ADAMTS6: variants seen among roughly 807,000 people sequenced by gnomAD.
The protein encoded by ADAMTS6 is ADAM metallopeptidase with thrombospondin type 1 motif 6, also known as A disintegrin and metalloproteinase with thrombospondin motifs 6.
ADAMTS6 carries 23 observed loss-of-function variants against 144.3 expected under a neutral mutation model. That is an observed-to-expected ratio of 0.16 (90% CI 0.11 to 0.23). ADAMTS6 has a LOEUF of 0.23. Ranked by LOEUF, ADAMTS6 falls within the 10% of genes least tolerant of loss-of-function variation. The pLI is 1.00. For missense variants in ADAMTS6, 999 were observed against 1,379.6 expected, an observed-to-expected ratio of 0.72 and a Z score of 4.37; for synonymous variants, 444 against 457.5, an observed-to-expected ratio of 0.97 and a Z score of 0.38.
chr5:65,276,733 G>T (rs924529770), intron 11 of ADAMTS6, among the ~76,000 whole-genome samples: 1 of 152,220 alleles, frequency 6.6e-6, no homozygotes, highest in African/African-American at 2.4e-5. Context: ...CTCTAATAAA[G>T]TTAAATGGAT....
intron 7 of ADAMTS6, among the ~76,000 whole-genome samples, chr5:65,406,045 G>A: frequency 6.6e-6 from 1 of 152,072 alleles, no homozygotes; most frequent in East Asian, 1.9e-4. Flanking sequence ...GGAGATTTTG[G>A]GCTGAGACGA....
intron 14 of ADAMTS6, among the ~76,000 whole-genome samples, chr5:65,246,430 C>A (rs1330480797): frequency 6.6e-6 from 1 of 152,016 alleles, no homozygotes. Context: ...AAAAACAAAA[C>A]CCAAATAGAT....
At chr5:65,167,682 A>G (rs1447032118) in intron 24 of ADAMTS6, among the ~76,000 whole-genome samples, 24 of 125,384 alleles carry the variant, frequency 1.9e-4, no homozygotes, top group Non-Finnish European at 2.0e-4. Context: ...AAGCTTATCC[A>G]CCATGACCAA....
At chr5:65,381,665 T>C (rs945287376) in intron 7 of ADAMTS6, among the ~76,000 whole-genome samples, 1 of 151,188 alleles carries the variant, frequency 6.6e-6, no homozygotes, top group African/African-American at 2.4e-5. Context: ...GGATTACAAG[T>C]GTGAGCCACT....
At chr5:65,410,732 A>T (rs1353557219) in intron 7 of ADAMTS6, among the ~76,000 whole-genome samples, 1 of 152,022 alleles carries the variant, frequency 6.6e-6, no homozygotes, top group Non-Finnish European at 1.5e-5. Flanking sequence ...TATGACTTTG[A>T]CTTTTTTATA....
chr5:65,419,931 G>A (rs926282156), intron 7 of ADAMTS6, among the ~76,000 whole-genome samples: 1 of 152,126 alleles, frequency 6.6e-6, no homozygotes, highest in Admixed American at 6.5e-5. Flanking sequence ...ACATCTTTGC[G>A]AATATACTTA....
At chr5:65,181,014 C>T (rs1440804432) in intron 22 of ADAMTS6, among the ~76,000 whole-genome samples, 2 of 152,142 alleles carry the variant, frequency 1.3e-5, no homozygotes, top group African/African-American at 2.4e-5. Context: ...TACAACTCTC[C>T]TATGAGGTGG....
rs1752090797 is a variant in ADAMTS6, at chr5:65,150,416, A to T, written c.*1420T>A. On this transcript the variant is annotated 3_prime_UTR_variant, in exon 25 of 25. Transcript: ENST00000381055. ...AGTCTTTTGATGACCAGGATGTGAA[A>T]CTTGAAGATGGGGAAAATACGAGCT... 1 of 152,658 alleles carries T rather than the reference A, an allele frequency of 6.6e-6. No individual in the cohort carries two copies. 9.5% of individuals were successfully genotyped at this position (152,658 alleles called of 1,614,324 possible).
chr5:65,260,710 A>C lies in ADAMTS6; in HGVS notation c.1767-47T>G, dbSNP rs1448948807. ...AATGTGAATACTAATACATCTGTCCATACAAAGAGTATATATATTACTTGA... is the reference window on the plus strand; with the variant it reads ...AATGTGAATACTAATACATCTGTCCCTACAAAGAGTATATATATTACTTGA... On this transcript the variant is annotated intron_variant, in intron 13 of 24. Transcript: ENST00000381055. The C allele has an allele frequency of 2.1e-6, 3 of 1,431,138 alleles. No individual in the cohort carries two copies. In the Admixed American group the frequency reaches 5.1e-5, roughly 24 times the overall value. The allele number at this position is 1,431,138 out of a possible 1,614,324, so 88.7% of individuals were successfully genotyped here.
chr5:65,478,394 CATT>C (rs1274612997), intron 1 of ADAMTS6, among the ~76,000 whole-genome samples: 1 of 152,126 alleles, frequency 6.6e-6, no homozygotes. Context: ...GCAGAAACAT[CATT>C]ATGTTGTGGA....
At chr5:65,288,313 C>G (rs1034844018) in intron 11 of ADAMTS6, among the ~76,000 whole-genome samples, 6 of 130,286 alleles carry the variant, frequency 4.6e-5, no homozygotes, top group Admixed American at 8.2e-5. Context: ...TTTTTCTTTT[C>G]TTTTCTTTTT....
chr5:65,418,739 A>G (rs1020459152), intron 7 of ADAMTS6, among the ~76,000 whole-genome samples: 1 of 152,222 alleles, frequency 6.6e-6, no homozygotes, highest in Non-Finnish European at 1.5e-5. Flanking sequence ...ATGGGCAAAA[A>G]CATGAACAGA....
chr5:65,182,936 A>C (rs775300199), intron 22 of ADAMTS6, among the ~76,000 whole-genome samples: 1 of 152,204 alleles, frequency 6.6e-6, no homozygotes, highest in Non-Finnish European at 1.5e-5. Context: ...TTACTCAGTG[A>C]ATACACTACA....
intron 8 of ADAMTS6, among the ~76,000 whole-genome samples, chr5:65,332,600 C>T (rs1443544953): frequency 6.6e-6 from 1 of 151,964 alleles, no homozygotes; most frequent in African/African-American, 2.4e-5. Context: ...AATACATCTA[C>T]ATTTTTTTCC....
rs1026188344 is a variant in ADAMTS6, at chr5:65,345,480, T to C, written c.1074-11395A>G. Among the ~76,000 whole-genome samples, 19 of 151,746 alleles carry C rather than the reference T, an allele frequency of 1.3e-4. 1 individual carries two copies. The highest frequency in any genetic ancestry group is 4.6e-4 in the African/African-American group (19 of 41,428). On this transcript the variant is annotated intron_variant, in intron 7 of 24. Transcript: ENST00000381055. ...ACATAAAAATTCACCTAATAAGATATTCTTTCATGATTAGTGAATCAAAAA... is the reference window on the plus strand; with the variant it reads ...ACATAAAAATTCACCTAATAAGATACTCTTTCATGATTAGTGAATCAAAAA...
At chr5:65,321,150 A>G (rs1745572835) in intron 9 of ADAMTS6, among the ~76,000 whole-genome samples, 1 of 152,178 alleles carries the variant, frequency 6.6e-6, no homozygotes, top group Admixed American at 6.5e-5. Flanking sequence ...TGGCTGAACT[A>G]ATTTACACTC....
In ADAMTS6 at chr5:65,460,336, A is replaced by T. The variant is rs533099976; in HGVS notation, c.465T>A (p.His155Gln). 3.2e-5 allele frequency: 50 copies of T among 1,587,090 alleles called. No homozygotes were observed. The highest frequency in any genetic ancestry group is 4.3e-5 in the Non-Finnish European group (50 of 1,168,694). ...CTTCATCTTCTGTAGCAATAACACCATGCTAAAAGAAAAATAAACAAAGAA... is the reference window on the plus strand; with the variant it reads ...CTTCATCTTCTGTAGCAATAACACCTTGCTAAAAGAAAAATAAACAAAGAA... ...KVALSNCVGL[H>Q]GVIATEDEEY... The change falls in exon 4 of 25, where the codon CAT (histidine) becomes CAA (glutamine). Residue 155 changes from histidine (H) to glutamine (Q), a missense_variant and splice_region_variant. Physicochemically the swap from His to Gln is conservative, Grantham distance 24 (BLOSUM62 0). Coordinates refer to ENST00000381055, the MANE Select transcript of ADAMTS6 (RefSeq NM_197941.4).
intron 22 of ADAMTS6, among the ~76,000 whole-genome samples, chr5:65,175,868 GA>G (rs1255863343): frequency 1.1e-5 from 1 of 92,288 alleles, no homozygotes; most frequent in African/African-American, 4.0e-5. Flanking sequence ...CCAGGTAATT[GA>G]AGGAAAAAAA....
chr5:65,323,196 A>G (rs1225710256), intron 9 of ADAMTS6, among the ~76,000 whole-genome samples: 1 of 151,652 alleles, frequency 6.6e-6, no homozygotes, highest in East Asian at 2.0e-4. Flanking sequence ...TACATGTGCC[A>G]TGTTGGTGTG....
Sources: gnomAD v4.1 joint callset for allele counts (sites outside exome capture counted in the v4.1 genomes callset) on GRCh38, gnomAD v4.1.1 for gene constraint, MANE v1.5 for transcripts, NCBI Gene and HGNC (gene_info 2026-07-23, HGNC 2026-07-21) for gene names.